Variants in CDKAL1 observed in about 807,000 individuals in gnomAD.
CDKAL1 encodes CDKAL1 threonylcarbamoyladenosine tRNA methylthiotransferase.
CDKAL1 carries 32 observed loss-of-function variants against 68.2 expected under a neutral mutation model. The ratio of observed to expected loss-of-function variants is 0.47; its 90% CI spans 0.35 to 0.63. The LOEUF is 0.63. Among genes scored for constraint, CDKAL1 ranks in the 30% least tolerant of loss-of-function variants. The pLI is 0.00. For synonymous variants in CDKAL1, 234 were observed against 244.3 expected (o/e 0.96, Z 0.39); for missense variants, 606 against 696.7 (o/e 0.87, Z 1.47).
chr6:20,551,348 T>C (rs1763815382), intron 4 of CDKAL1, among the ~76,000 whole-genome samples: 1 of 151,952 alleles, frequency 6.6e-6, no homozygotes, highest in South Asian at 2.1e-4. Context: ...TATCACCCTT[T>C]TTCCTTCAGT....
chr6:20,707,682 G>GC (rs1581419794), intron 5 of CDKAL1, among the ~76,000 whole-genome samples: 2 of 152,274 alleles, frequency 1.3e-5, no homozygotes, highest in East Asian at 3.9e-4. Flanking sequence ...CATCTTCCAT[G>GC]ATCAAGAATA....
chr6:20,774,263 G>A lies in CDKAL1; in HGVS notation c.518-6882G>A, dbSNP rs572386452. On this transcript the variant is annotated intron_variant, in intron 7 of 15. Coordinates refer to ENST00000274695, the MANE Select transcript of CDKAL1 (RefSeq NM_017774.3). ...AAGTTGCCAGATCATTGGTATTTCTGTAATATGAATGATACTCTAAAGCTC... is the reference window on the plus strand; with the variant it reads ...AAGTTGCCAGATCATTGGTATTTCTATAATATGAATGATACTCTAAAGCTC... 2.1e-4 allele frequency among the ~76,000 whole-genome samples: 32 copies of A among 152,304 alleles called. 1 individual carries two copies. The South Asian group carries it at 6.2e-3, about 30-fold the overall frequency.
At chr6:20,654,130 G>C (rs902155292) in intron 5 of CDKAL1, among the ~76,000 whole-genome samples, 1 of 152,056 alleles carries the variant, frequency 6.6e-6, no homozygotes, top group African/African-American at 2.4e-5. Context: ...TGATCCACCT[G>C]CCTCGGCCTC....
chr6:20,796,258 T>C (rs1209088504), intron 8 of CDKAL1, among the ~76,000 whole-genome samples: 2 of 152,162 alleles, frequency 1.3e-5, no homozygotes, highest in East Asian at 1.9e-4. Flanking sequence ...TGTTATGCAA[T>C]AGCTCTAAGA....
intron 14 of CDKAL1, among the ~76,000 whole-genome samples, chr6:21,199,741 G>C (rs1778614223): frequency 6.6e-6 from 1 of 152,214 alleles, no homozygotes; most frequent in Non-Finnish European, 1.5e-5. Context: ...CCCAGGGTTA[G>C]TTTGGTCTAG....
chr6:21,075,263 A>G (rs1195737731), intron 12 of CDKAL1, among the ~76,000 whole-genome samples: 1 of 137,128 alleles, frequency 7.3e-6, no homozygotes, highest in Non-Finnish European at 1.6e-5. Flanking sequence ...AGATGACATA[A>G]GGATAAGTAT....
intron 9 of CDKAL1, among the ~76,000 whole-genome samples, chr6:20,902,347 AC>A (rs35386545): frequency 0.44 from 45,778 of 103,396 alleles, 7,510 homozygotes; most frequent in East Asian, 0.6. Flanking sequence ...ACACACACAC[AC>A]ACACACACAC....
chr6:21,017,712 GTTATTA>G (rs1347561993), intron 11 of CDKAL1, among the ~76,000 whole-genome samples: 1 of 151,972 alleles, frequency 6.6e-6, no homozygotes, highest in African/African-American at 2.4e-5. Flanking sequence ...TGATTTCATT[GTTATTA>G]TTATTATAAA....
At chr6:20,986,456 G>GA (rs913277966) in intron 10 of CDKAL1, among the ~76,000 whole-genome samples, 12 of 151,934 alleles carry the variant, frequency 7.9e-5, no homozygotes, top group South Asian at 2.1e-4. Context: ...TTTTAATAGA[G>GA]AAAAAATGTA....
intron 9 of CDKAL1, among the ~76,000 whole-genome samples, chr6:20,855,357 C>A (rs1419567924): frequency 1.5e-5 from 2 of 134,278 alleles, no homozygotes; most frequent in Non-Finnish European, 3.1e-5. Context: ...GCAGGAGAAT[C>A]GCTTGAACCC....
rs147187436 is a variant in CDKAL1 at position 20,865,486 on chromosome 6, G to A, written c.742+19308G>A. ...ATACAACAGAATACTGAAAATCAGA[G>A]CCAAGCAAAACTTCTAGGCTCTAGG... On this transcript the variant is annotated intron_variant, in intron 9 of 15. Coordinates refer to ENST00000274695, the MANE Select transcript of CDKAL1 (RefSeq NM_017774.3). Among the ~76,000 whole-genome samples the A allele has an allele frequency of 2.4e-3, 360 of 152,208 alleles. 1 individual carries two copies. Among genetic ancestry groups the A allele is most frequent in the African/African-American group, 8.1e-3 (337 of 41,536 alleles).
At chr6:20,845,995 G>T in intron 8 of CDKAL1, 80 bp from the exon 9 acceptor site, 2 of 802,874 alleles carry the variant, frequency 2.5e-6, no homozygotes, top group South Asian at 3.7e-5. Context: ...GCACTTTTGT[G>T]TATGTTTTGA....
chr6:20,548,196 G>A (rs193150543), intron 3 of CDKAL1, among the ~76,000 whole-genome samples: 45 of 152,148 alleles, frequency 3.0e-4, no homozygotes, highest in African/African-American at 1.0e-3. Context: ...TGTTTTTTGT[G>A]TAATATATCT....
chr6:21,206,982 G>A (rs568306384), intron 15 of CDKAL1, among the ~76,000 whole-genome samples: 156 of 150,008 alleles, frequency 1.0e-3, no homozygotes, highest in Non-Finnish European at 2.0e-3. Flanking sequence ...GCGCGATCTC[G>A]GCTCACTGCC....
intron 5 of CDKAL1, among the ~76,000 whole-genome samples, chr6:20,673,224 G>C (rs1769932377): frequency 6.6e-6 from 1 of 152,040 alleles, no homozygotes; most frequent in Non-Finnish European, 1.5e-5. Flanking sequence ...CCCAGTGTAG[G>C]CTTTGGATAT....
intron 13 of CDKAL1, among the ~76,000 whole-genome samples, chr6:21,115,056 A>C (rs1379642255): frequency 1.3e-5 from 2 of 152,176 alleles, no homozygotes; most frequent in Non-Finnish European, 2.9e-5. Flanking sequence ...GGGTTATACC[A>C]CCATTCCTTC....
chr6:20,962,461 G>C (rs1256689019), intron 10 of CDKAL1, among the ~76,000 whole-genome samples: 2 of 152,094 alleles, frequency 1.3e-5, no homozygotes, highest in South Asian at 2.1e-4. Flanking sequence ...AAATTCATCT[G>C]CTGAAAGACA....
chr6:20,921,420 C>G (rs116632495), intron 9 of CDKAL1, among the ~76,000 whole-genome samples: 4,800 of 152,224 alleles, frequency 0.032, 116 homozygotes, highest in Non-Finnish European at 0.048. Flanking sequence ...GAGCAAGACT[C>G]CGTCTCAAAA....
chr6:20,890,544 A>G (rs758301121), intron 9 of CDKAL1, among the ~76,000 whole-genome samples: 15 of 152,236 alleles, frequency 9.9e-5, no homozygotes, highest in African/African-American at 1.4e-4. Context: ...ATTTTATACA[A>G]TCTGATGGAA....
Sources: allele counts gnomAD v4.1 joint callset (sites outside exome capture counted in the v4.1 genomes callset), GRCh38; gene constraint gnomAD v4.1.1; transcripts MANE v1.5; gene names NCBI Gene and HGNC (gene_info 2026-07-23, HGNC 2026-07-21).